Variants in DENND1B observed in about 807,000 individuals in gnomAD.
The protein encoded by DENND1B is DENN domain-containing protein 1B.
A neutral mutation model predicts 90.1 loss-of-function variants in DENND1B; 59 were observed. The ratio of observed to expected loss-of-function variants is 0.65; its 90% confidence interval spans 0.53 to 0.81. DENND1B has a LOEUF of 0.81. Ranked by LOEUF, DENND1B falls within the 40% of genes least tolerant of loss-of-function variation. The probability of loss-of-function intolerance (pLI) is 0.00; values close to 1 mark genes in which losing one functional copy is unlikely to be tolerated. For synonymous variants in DENND1B, 337 were observed against 324.6 expected (o/e 1.04, Z -0.41); for missense variants, 862 against 912.6 (o/e 0.94, Z 0.71).
intron 15 of DENND1B, among the ~76,000 whole-genome samples, chr1:197,560,165 T>C (rs546481029): frequency 6.6e-6 from 1 of 152,030 alleles, no homozygotes; most frequent in South Asian, 2.1e-4. Flanking sequence ...TGACATTAAA[T>C]AATGTGCTAA....
At chr1:197,591,234 A>G (rs1240454358) in intron 14 of DENND1B, among the ~76,000 whole-genome samples, 3 of 152,182 alleles carry the variant, frequency 2.0e-5, no homozygotes, top group Non-Finnish European at 4.4e-5. Context: ...AGAAATGACT[A>G]TATCACCCTT....
intron 3 of DENND1B, among the ~76,000 whole-genome samples, chr1:197,678,279 A>G (rs1414458215): frequency 1.3e-5 from 2 of 152,202 alleles, no homozygotes; most frequent in Non-Finnish European, 2.9e-5. Flanking sequence ...ATCAAATATT[A>G]TGTTTATACT....
Position 197,652,218 on chromosome 1 carries a change from A to C in DENND1B, c.447+17T>G, listed in dbSNP as rs755935050. ...ATAGCTATGACTCCCAAAAACAATTACTGATTGAATACTTACCACACTCAA... is the reference window on the plus strand; with the variant it reads ...ATAGCTATGACTCCCAAAAACAATTCCTGATTGAATACTTACCACACTCAA... On this transcript the variant is annotated intron_variant, in intron 7 of 22. Coordinates refer to ENST00000620048, the MANE Select transcript of DENND1B (RefSeq NM_001195215.2). The C allele has an allele frequency of 1.2e-6, 2 of 1,603,310 alleles. No individual in the cohort carries two copies. The highest frequency in any genetic ancestry group is 1.7e-6 in the Non-Finnish European group (2 of 1,174,040).
chr1:197,647,166 T>C, intron 7 of DENND1B, 52 bp from the exon 8 acceptor site: 1 of 1,277,966 alleles, frequency 7.8e-7, no homozygotes, highest in Non-Finnish European at 1.0e-6. Flanking sequence ...TGGGAGAAGC[T>C]TACACAACAA....
At chr1:197,611,742 G>A (rs924084630) in intron 12 of DENND1B, among the ~76,000 whole-genome samples, 189 bp downstream of exon 12, 2 of 150,566 alleles carry the variant, frequency 1.3e-5, no homozygotes, top group African/African-American at 4.9e-5. Context: ...CATAAAAAAT[G>A]GTCATTTAGT....
rs1662057363 is a variant in DENND1B at position 197,730,576 on chromosome 1, A to T, written c.83-15502T>A. 1.3e-5 allele frequency among the ~76,000 whole-genome samples: 2 copies of T among 152,116 alleles called. 1 individual carries two copies. Among genetic ancestry groups the T allele is most frequent in the East Asian group, 3.8e-4 (2 of 5,200 alleles). On this transcript the variant is annotated intron_variant, in intron 2 of 22. Transcript: ENST00000620048. ...TTTATCTCTGTATTATGACATGGGA[A>T]CTTAAATTGGAAAAGAAAAAATTCT...
At chr1:197,597,639 T>C (rs1675824798) in intron 13 of DENND1B, among the ~76,000 whole-genome samples, 1 of 151,840 alleles carries the variant, frequency 6.6e-6, no homozygotes, top group African/African-American at 2.4e-5. Flanking sequence ...GACTGCATAA[T>C]TGTTGCCTGA....
chr1:197,695,577 G>A (rs940008474), intron 3 of DENND1B, among the ~76,000 whole-genome samples: 6 of 150,824 alleles, frequency 4.0e-5, no homozygotes, highest in African/African-American at 1.2e-4. Context: ...AGAAAAAGGA[G>A]TTTATATATA....
rs992517885 is a variant in DENND1B, at chr1:197,551,438, A to T, written c.1240+1584T>A. ...AAAGAACAACAAAGTAGTGGGCATT[A>T]AGTTGTATTGAAAATGCAGCAGTTT... On this transcript the variant is annotated intron_variant, in intron 16 of 22. Coordinates refer to ENST00000620048, the MANE Select transcript of DENND1B (RefSeq NM_001195215.2). 2.0e-5 allele frequency among the ~76,000 whole-genome samples: 3 copies of T among 152,250 alleles called. No homozygotes were observed. The South Asian group carries it at 6.2e-4, about 32-fold the overall frequency.
intron 16 of DENND1B, among the ~76,000 whole-genome samples, chr1:197,551,924 T>C (rs1328328103): frequency 6.6e-6 from 1 of 152,112 alleles, no homozygotes. Context: ...CAAACTAACT[T>C]TTCCCCAAGC....
intron 3 of DENND1B, among the ~76,000 whole-genome samples, chr1:197,683,007 T>C (rs967281342): frequency 6.6e-6 from 1 of 152,084 alleles, no homozygotes; most frequent in Non-Finnish European, 1.5e-5. Flanking sequence ...ATAATTTACA[T>C]CAGTGGAAAT....
intron 3 of DENND1B, among the ~76,000 whole-genome samples, chr1:197,706,244 C>A (rs1259127981): frequency 6.6e-6 from 1 of 152,144 alleles, no homozygotes; most frequent in African/African-American, 2.4e-5. Context: ...GGAACCTGCT[C>A]ATCAGGCATC....
intron 10 of DENND1B, among the ~76,000 whole-genome samples, chr1:197,637,088 CT>C (rs1272984046): frequency 6.6e-6 from 1 of 151,994 alleles, no homozygotes; most frequent in Non-Finnish European, 1.5e-5. Context: ...AATAAACACA[CT>C]GCCCTCAATA....
intron 2 of DENND1B, among the ~76,000 whole-genome samples, chr1:197,721,591 T>C (rs1452062246): frequency 6.6e-6 from 1 of 152,116 alleles, no homozygotes; most frequent in African/African-American, 2.4e-5. Context: ...GGGGAGAACA[T>C]TCTAGAGTGA....
At chr1:197,732,788 T>G (rs920663111) in intron 2 of DENND1B, among the ~76,000 whole-genome samples, 15 of 152,196 alleles carry the variant, frequency 9.9e-5, no homozygotes, top group Non-Finnish European at 1.9e-4. Flanking sequence ...GCAACTTAAC[T>G]TCCATCACCT....
intron 15 of DENND1B, among the ~76,000 whole-genome samples, chr1:197,581,274 G>C (rs1190199176): frequency 6.6e-6 from 1 of 152,082 alleles, no homozygotes; most frequent in Non-Finnish European, 1.5e-5. Context: ...ACTTTTTTAA[G>C]AATCATGAGC....
chr1:197,747,374 C>A, intron 2 of DENND1B: 2 of 504,250 alleles, frequency 4.0e-6, no homozygotes, highest in South Asian at 2.1e-5. Context: ...GTCCAGAGTT[C>A]TGCAATGTAG....
chr1:197,762,889 T>C (rs1195265757), intron 2 of DENND1B, among the ~76,000 whole-genome samples: 1 of 152,188 alleles, frequency 6.6e-6, no homozygotes, highest in Non-Finnish European at 1.5e-5. Context: ...ATCTCCCCCG[T>C]TGTAAGGCTG....
chr1:197,682,971 C>T (rs1477759695), intron 3 of DENND1B, among the ~76,000 whole-genome samples: 1 of 152,096 alleles, frequency 6.6e-6, no homozygotes, highest in Admixed American at 6.6e-5. Context: ...GTAGCATTCT[C>T]TTTTACTTTC....
Sources: allele counts gnomAD v4.1 joint callset (sites outside exome capture counted in the v4.1 genomes callset), GRCh38; gene constraint gnomAD v4.1.1; transcripts MANE v1.5; gene names NCBI Gene and HGNC (gene_info 2026-07-23, HGNC 2026-07-21).